The following PPP2R3B variants were observed in gnomAD, a reference collection of about 807,000 sequenced individuals.
PPP2R3B encodes serine/threonine-protein phosphatase 2A regulatory subunit B'' subunit beta.
A neutral mutation model predicts 72.9 loss-of-function variants in PPP2R3B; 68 were observed. That is an observed-to-expected ratio of 0.93 (90% confidence interval 0.77 to 1.14). The LOEUF (loss-of-function observed/expected upper bound fraction) is 1.14. PPP2R3B is among the 50% of genes most tolerant of loss of function. The probability of loss-of-function intolerance (pLI) is 0.00; values close to 1 mark genes in which losing one functional copy is unlikely to be tolerated. For missense variants in PPP2R3B, 1,018 were observed against 842.0 expected (o/e 1.21, Z -2.59); for synonymous variants, 466 against 375.8 (o/e 1.24, Z -2.78).
intron 1 of PPP2R3B, among the ~76,000 whole-genome samples, chrX:379,558 G>C (rs1049789653): frequency 6.6e-6 from 1 of 152,176 alleles, no homozygotes; most frequent in Admixed American, 6.5e-5. Flanking sequence ...GCTGGCACCC[G>C]GTCTGATAAA....
At chrX:357,535 C>A (rs1283622517) in intron 2 of PPP2R3B, among the ~76,000 whole-genome samples, 4 of 152,028 alleles carry the variant, frequency 2.6e-5, no homozygotes, top group Admixed American at 2.6e-4. Context: ...AGAAAGGAAC[C>A]GGAAATAAAT....
In PPP2R3B at chrX:349,260, G is replaced by A. The variant is rs1233367896; in HGVS notation, c.511-1567C>T. ...CCCTTCCACCCCGTGAGGACGCAGC[G>A]GGAAGGCGCCGTCGATGAACCAGGC... is the stretch of plus-strand genomic sequence containing the variant. On this transcript the variant is annotated intron_variant, in intron 2 of 12. Transcript: ENST00000390665. Among the ~76,000 whole-genome samples, 4 of 152,028 alleles carry A rather than the reference G, an allele frequency of 2.6e-5. No individual in the cohort carries two copies. In the East Asian group the frequency reaches 5.8e-4, roughly 22 times the overall value.
At chrX:350,252 C>T (rs1432338145) in intron 2 of PPP2R3B, among the ~76,000 whole-genome samples, 1 of 152,174 alleles carries the variant, frequency 6.6e-6, no homozygotes, top group Non-Finnish European at 1.5e-5. Context: ...ACCAGGGGAT[C>T]CCAGCCCGAA....
At chrX:338,184 C>T in intron 12 of PPP2R3B, 1 of 303,034 alleles carries the variant, frequency 3.3e-6, no homozygotes, top group East Asian at 6.5e-5. Context: ...GAGAAAGCAA[C>T]CAGCCCAGGG....
In PPP2R3B at chrX:361,312, C is replaced by T. The variant is rs1176355038; in HGVS notation, c.510+93G>A. On this transcript the variant is annotated intron_variant, in intron 2 of 12. Transcript: ENST00000390665. Reference sequence around the variant, plus strand: ...TCGGCCGTGCCGCCTCACTCACGCTCGTGTGACACGCACCCACCACGGCCG... The same window carrying T: ...TCGGCCGTGCCGCCTCACTCACGCTTGTGTGACACGCACCCACCACGGCCG... 48 of 1,426,084 alleles carry T rather than the reference C, an allele frequency of 3.4e-5. 1 individual carries two copies. Among genetic ancestry groups the T allele is most frequent in the South Asian group, 2.2e-4 (18 of 80,242 alleles). 88.3% of individuals were successfully genotyped at this position (1,426,084 alleles called of 1,614,324 possible).
At chrX:383,580 G>C (rs2072171235) in intron 1 of PPP2R3B, among the ~76,000 whole-genome samples, 1 of 152,046 alleles carries the variant, frequency 6.6e-6, no homozygotes, top group Non-Finnish European at 1.5e-5. Context: ...GCTCACACCT[G>C]TAATCCCAAA....
Position 338,051 on chromosome X carries a change from G to A in PPP2R3B, c.1577+553C>T, listed in dbSNP as rs5989641. On this transcript the variant is annotated intron_variant, in intron 12 of 12. Coordinates refer to ENST00000390665, the MANE Select transcript of PPP2R3B (RefSeq NM_013239.5). Reference sequence around the variant, plus strand: ...GTCAGTGTCTCCTCCTCCAAATTCAGAACATCTCTGAGACACCACGTGAAG... The same window carrying A: ...GTCAGTGTCTCCTCCTCCAAATTCAAAACATCTCTGAGACACCACGTGAAG... The A allele has an allele frequency of 5.1e-3, 813 of 160,916 alleles. 8 individuals carry two copies. The highest frequency in any genetic ancestry group is 0.018 in the African/African-American group (759 of 41,758). 10.0% of individuals were successfully genotyped at this position (160,916 alleles called of 1,614,324 possible). A position where few individuals can be genotyped will look rare whatever the true frequency, so the allele number is the denominator to read the frequency against.
At chrX:335,817 T>C (rs2070874291) in intron 12 of PPP2R3B, 1 of 151,946 alleles carries the variant, frequency 6.6e-6, no homozygotes, top group Non-Finnish European at 1.5e-5. Flanking sequence ...GAGCAGGAAA[T>C]ACCAACAATA....
intron 7 of PPP2R3B, among the ~76,000 whole-genome samples, chrX:343,072 A>AGAGGCGGGAGTGAGACCTCGCCAACGG (rs1569382533): frequency 4.0e-4 from 3 of 7,514 alleles, no homozygotes; most frequent in African/African-American, 2.8e-3. Flanking sequence ...CTCGCCAAGG[A>AGAGGCGGGAGTGAGACCTCGCCAACGG]GAGGCGGGAG....
chrX:378,498 T>C (rs2072047155), intron 1 of PPP2R3B, among the ~76,000 whole-genome samples: 1 of 152,156 alleles, frequency 6.6e-6, no homozygotes, highest in Non-Finnish European at 1.5e-5. Context: ...GCTAAAAGCA[T>C]AGCTAGTAAC....
intron 7 of PPP2R3B, 143 bp from the exon 8 acceptor site, chrX:342,074 C>A: frequency 2.3e-6 from 2 of 879,050 alleles, no homozygotes; most frequent in South Asian, 1.4e-5. Flanking sequence ...GCCCCGATGC[C>A]CCTGCACGGC....
chrX:364,172 C>G (rs1339686532), intron 1 of PPP2R3B, among the ~76,000 whole-genome samples: 3 of 152,240 alleles, frequency 2.0e-5, no homozygotes, highest in Non-Finnish European at 4.4e-5. Context: ...TCCGGGGAAG[C>G]TCCCAGAACG....
In PPP2R3B at chrX:334,124, C is replaced by A; in HGVS notation, c.*243G>T. ...AGGCTGGGTCGGGAACGGCAAGCGC[C>A]AGAGGGTGTCCGTGTGGGAACCCGT... On this transcript the variant is annotated 3_prime_UTR_variant, in exon 13 of 13. Coordinates refer to ENST00000390665, the MANE Select transcript of PPP2R3B (RefSeq NM_013239.5). 1 of 407,728 alleles carries A rather than the reference C, an allele frequency of 2.5e-6. No homozygotes were observed. Among genetic ancestry groups the A allele is most frequent in the Middle Eastern group, 6.5e-4 (1 of 1,538 alleles). 25.3% of individuals were successfully genotyped at this position (407,728 alleles called of 1,614,324 possible). A position where few individuals can be genotyped will look rare whatever the true frequency, so the allele number is the denominator to read the frequency against.
intron 2 of PPP2R3B, among the ~76,000 whole-genome samples, chrX:358,724 C>T (rs1220317095): frequency 6.6e-6 from 1 of 152,084 alleles, no homozygotes; most frequent in Non-Finnish European, 1.5e-5. Flanking sequence ...AGAACTGAGT[C>T]CTGGAAGGAA....
Position 364,675 on chromosome X carries a change from A to G in PPP2R3B, c.325-3085T>C, listed in dbSNP as rs1210445708. ...GGAGGTTGCAGTGAGCTGAGATCGC[A>G]CCACTGCACTCCAGCCTGGGCGACA... On this transcript the variant is annotated intron_variant, in intron 1 of 12. Coordinates refer to ENST00000390665, the MANE Select transcript of PPP2R3B (RefSeq NM_013239.5). Among the ~76,000 whole-genome samples, 193 of 106,648 alleles carry G rather than the reference A, an allele frequency of 1.8e-3. 9 individuals are homozygous for G. Among genetic ancestry groups the G allele is most frequent in the African/African-American group, 6.2e-3 (142 of 22,946 alleles). 70.0% of individuals were successfully genotyped at this position (106,648 alleles called of 152,430 possible).
intron 1 of PPP2R3B, among the ~76,000 whole-genome samples, chrX:381,266 C>T (rs1354813253): frequency 1.3e-5 from 2 of 152,104 alleles, no homozygotes; most frequent in Non-Finnish European, 2.9e-5. Flanking sequence ...TCCCCAAAGA[C>T]GGGAAGGAGC....
At chrX:363,279 A>AGCCCACGATCCCACAGTGCATCTCCCCGT (rs2071584138) in intron 1 of PPP2R3B, among the ~76,000 whole-genome samples, 1 of 19,902 alleles carries the variant, frequency 5.0e-5, no homozygotes, top group Non-Finnish European at 1.1e-4. Flanking sequence ...CATCTCCCCG[A>AGCCCACGATCCCACAGTGCATCTCCCCGT]GCCCACGATC....
At chrX:378,312 A>C (rs1331866689) in intron 1 of PPP2R3B, among the ~76,000 whole-genome samples, 1 of 152,234 alleles carries the variant, frequency 6.6e-6, no homozygotes, top group Non-Finnish European at 1.5e-5. Flanking sequence ...CAAAATTTTC[A>C]TAAAAATCTC....
In PPP2R3B at chrX:341,945, C is replaced by A. The variant is rs751978358; in HGVS notation, c.1037-14G>T. The A allele has an allele frequency of 1.9e-6, 3 of 1,612,466 alleles. No homozygotes were observed. The highest frequency in any genetic ancestry group is 1.1e-5 in the South Asian group (1 of 91,082). On this transcript the variant is annotated splice_polypyrimidine_tract_variant and intron_variant, in intron 7 of 12. Coordinates refer to ENST00000390665, the MANE Select transcript of PPP2R3B (RefSeq NM_013239.5). ...TGGTAGAAAGGGCTGGAAAGGAATG[C>A]GGTTGATGGGCAGCCCGCACCGTGC...
Sources: allele counts gnomAD v4.1 joint callset (sites outside exome capture counted in the v4.1 genomes callset), GRCh38; gene constraint gnomAD v4.1.1; transcripts MANE v1.5; gene names NCBI Gene and HGNC (gene_info 2026-07-23, HGNC 2026-07-21).